The following RASSF9 variants were observed in gnomAD, a reference collection of about 807,000 sequenced individuals.
RASSF9 encodes Ras association domain family member 9.
A neutral mutation model predicts 21.4 loss-of-function variants in RASSF9; 18 were observed. The ratio of observed to expected loss-of-function variants is 0.84; its 90% CI spans 0.58 to 1.25. RASSF9 has a LOEUF of 1.25. Ranked by LOEUF, RASSF9 falls within the 50% of genes most tolerant of loss-of-function variation. RASSF9 has a pLI of 0.00. For missense variants in RASSF9, 480 were observed against 503.2 expected (o/e 0.95, Z 0.44); for synonymous variants, 183 against 179.1 (o/e 1.02, Z -0.18).
rs1880235704 is a variant in RASSF9 at position 85,822,582 on chromosome 12, C to CTTGGGATT, written c.47+13572_47+13573insAATCCCAA. Among the ~76,000 whole-genome samples, 11 of 152,250 alleles carry CTTGGGATT rather than the reference C, an allele frequency of 7.2e-5. No homozygotes were observed. In the South Asian group the frequency reaches 1.7e-3, roughly 23 times the overall value. On this transcript the variant is annotated intron_variant, in intron 1 of 1. Coordinates refer to ENST00000361228, the MANE Select transcript of RASSF9 (RefSeq NM_005447.4). ...AAAGGAGAGATATTATTCTTGGGAA[C>CTTGGGATT]ATTATTGATAAGAGAAAAATACTAA...
chr12:85,823,074 C>T (rs930428109), intron 1 of RASSF9, among the ~76,000 whole-genome samples: 1 of 151,974 alleles, frequency 6.6e-6, no homozygotes, highest in Non-Finnish European at 1.5e-5. Context: ...TTATTGGGCG[C>T]CTGTAGTCCC....
intron 1 of RASSF9, among the ~76,000 whole-genome samples, chr12:85,829,372 T>C (rs1484949110): frequency 6.6e-6 from 1 of 152,134 alleles, no homozygotes; most frequent in Non-Finnish European, 1.5e-5. Flanking sequence ...CAATTTAATG[T>C]GATTATTAGA....
At position 85,827,544 on chromosome 12, in the gene RASSF9, G is replaced by A. The variant is rs190835117; in HGVS notation, c.47+8611C>T. Among the ~76,000 whole-genome samples, 4 of 152,236 alleles carry A rather than the reference G, an allele frequency of 2.6e-5. No homozygotes were observed. The East Asian group carries it at 7.7e-4, about 29-fold the overall frequency. ...TCAATGGATTTCCCTTGCATTTAAAGTACAATCAACATCCCTTATAATCCA... is the reference window on the plus strand; with the variant it reads ...TCAATGGATTTCCCTTGCATTTAAAATACAATCAACATCCCTTATAATCCA... On this transcript the variant is annotated intron_variant, in intron 1 of 1. Coordinates refer to ENST00000361228, the MANE Select transcript of RASSF9 (RefSeq NM_005447.4).
At position 85,836,280 on chromosome 12, in the gene RASSF9, T is replaced by TG. The variant is rs1382130501; in HGVS notation, c.-80dup. On this transcript the variant is annotated 5_prime_UTR_variant, in exon 1 of 2. Transcript: ENST00000361228. Reference sequence around the variant, plus strand: ...GGTGGGGGTGTCTGGATTTCCAGGGTGAAGGGAGGAGGGCTGGAAGCTTTC... The same window carrying TG: ...GGTGGGGGTGTCTGGATTTCCAGGGTGGAAGGGAGGAGGGCTGGAAGCTTTC... 1 of 1,532,018 alleles carries TG rather than the reference T, an allele frequency of 6.5e-7. No homozygotes were observed. Among genetic ancestry groups the TG allele is most frequent in the Non-Finnish European group, 8.8e-7 (1 of 1,132,698 alleles). 94.9% of individuals were successfully genotyped at this position (1,532,018 alleles called of 1,614,324 possible). A position where few individuals can be genotyped will look rare whatever the true frequency, so the allele number is the denominator to read the frequency against.
Position 85,801,390 on chromosome 12 carries a change from A to AACACAC in RASSF9, c.*3306_*3311dup, listed in dbSNP as rs145080613. On this transcript the variant is annotated 3_prime_UTR_variant, in exon 2 of 2. Transcript: ENST00000361228. The stretch of plus-strand genomic sequence containing the variant: ...TACAAGCATCATTTACCATCTATAA[A>AACACAC]ACACACACACACACACACAAAAGCT... 1 of 150,950 alleles carries AACACAC rather than the reference A, an allele frequency of 6.6e-6. No homozygotes were observed. The highest frequency in any genetic ancestry group is 2.4e-5 in the African/African-American group (1 of 41,180). The allele number at this position is 150,950 out of a possible 1,614,324, so 9.4% of individuals were successfully genotyped here.
intron 1 of RASSF9, among the ~76,000 whole-genome samples, chr12:85,818,806 T>C (rs879549095): frequency 6.6e-6 from 1 of 150,852 alleles, no homozygotes; most frequent in Non-Finnish European, 1.5e-5. Context: ...TAAAAACACA[T>C]AAATTAGCCG....
intron 1 of RASSF9, among the ~76,000 whole-genome samples, chr12:85,820,578 G>GA (rs1335741363): frequency 1.3e-5 from 2 of 151,314 alleles, no homozygotes; most frequent in Non-Finnish European, 3.0e-5. Flanking sequence ...CATATAAAAT[G>GA]AAAAATGTCA....
intron 1 of RASSF9, among the ~76,000 whole-genome samples, chr12:85,809,988 G>C (rs1206943947): frequency 5.9e-5 from 9 of 151,356 alleles, no homozygotes; most frequent in Admixed American, 5.3e-4. Flanking sequence ...TCTATTTTCT[G>C]CAGTCAGCTA....
chr12:85,812,233 A>G lies in RASSF9; in HGVS notation c.48-6271T>C, dbSNP rs145951424. On this transcript the variant is annotated intron_variant, in intron 1 of 1. Transcript: ENST00000361228. Reference sequence around the variant, plus strand: ...TACATTTATGAAATTTCTTATGCACATAACTATTCTTAGTTGTATATGTGT... The same window carrying G: ...TACATTTATGAAATTTCTTATGCACGTAACTATTCTTAGTTGTATATGTGT... Among the ~76,000 whole-genome samples, 1,063 of 151,840 alleles carry G rather than the reference A, an allele frequency of 7.0e-3. 9 individuals are homozygous for G. The highest frequency in any genetic ancestry group is 9.6e-3 in the Non-Finnish European group (650 of 67,682).
rs768653762 is a variant in RASSF9, at chr12:85,804,754, T to C, written c.1256A>G (p.His419Arg). ...TDSDTGISSN[H>R]SQDSETTVGD... ...TACTGTTGTTTCGGAGTCCTGACTG[T>C]GGTTAGAACTGATACCAGTGTCCGA... is the stretch of plus-strand genomic sequence containing the variant. The change falls in exon 2 of 2, where the codon CAC becomes CGC. Residue 419 changes from histidine to arginine, a missense_variant. Transcript: ENST00000361228. 2 of 1,611,610 alleles carry C rather than the reference T, an allele frequency of 1.2e-6. No individual in the cohort carries two copies. Among genetic ancestry groups the C allele is most frequent in the South Asian group, 1.1e-5 (1 of 90,872 alleles).
rs1565750855 is a variant in RASSF9, at chr12:85,805,132, CTT to C, written c.876_877del (p.Ser293CysfsTer4). ...ATCTTCATTTATATCAATGCAAACA[CTT>C]TTTACCTCTTTTTCTATTTCAGCAG... is the stretch of plus-strand genomic sequence containing the variant. On this transcript the variant is annotated frameshift_variant, in exon 2 of 2. Transcript: ENST00000361228. LOFTEE classifies it high-confidence loss of function. 1.2e-6 allele frequency: 2 copies of C among 1,613,906 alleles called. No homozygotes were observed. The highest frequency in any genetic ancestry group is 4.5e-5 in the East Asian group (2 of 44,870).
chr12:85,803,951 C>T lies in RASSF9; in HGVS notation c.*751G>A, dbSNP rs1456438430. 1 of 152,222 alleles carries T rather than the reference C, an allele frequency of 6.6e-6. No individual in the cohort carries two copies. Among genetic ancestry groups the T allele is most frequent in the Non-Finnish European group, 1.5e-5 (1 of 68,038 alleles). The allele number at this position is 152,222 out of a possible 1,614,324, so 9.4% of individuals were successfully genotyped here. A position where few individuals can be genotyped will look rare whatever the true frequency, so the allele number is the denominator to read the frequency against. On this transcript the variant is annotated 3_prime_UTR_variant, in exon 2 of 2. Coordinates refer to ENST00000361228, the MANE Select transcript of RASSF9 (RefSeq NM_005447.4). ...TTTCTCTGTAACCCACACTATACCT[C>T]ACTCAGTGAATGAACATGGGTTTGG...
intron 1 of RASSF9, 41 bp from the exon 2 acceptor site, chr12:85,806,003 CT>C: frequency 6.5e-7 from 1 of 1,544,426 alleles, no homozygotes; most frequent in Non-Finnish European, 8.8e-7. Flanking sequence ...CTGTCATTGC[CT>C]GTGTAAACTC....
At chr12:85,810,332 T>A (rs1184255875) in intron 1 of RASSF9, among the ~76,000 whole-genome samples, 4 of 151,964 alleles carry the variant, frequency 2.6e-5, no homozygotes, top group Admixed American at 2.0e-4. Flanking sequence ...AATGTTTCTC[T>A]CTTATGGTGG....
chr12:85,801,141 C>T lies in RASSF9; in HGVS notation c.*3561G>A, dbSNP rs1259878108. 2.6e-5 allele frequency: 4 copies of T among 151,840 alleles called. No individual in the cohort carries two copies. The highest frequency in any genetic ancestry group is 9.7e-5 in the African/African-American group (4 of 41,372). 9.4% of individuals were successfully genotyped at this position (151,840 alleles called of 1,614,324 possible). On this transcript the variant is annotated 3_prime_UTR_variant, in exon 2 of 2. Transcript: ENST00000361228. ...TAAAATATGTTTTTTCTCATAAGCA[C>T]ACAATGAAATAAAAAATTCTATAAT...
intron 1 of RASSF9, among the ~76,000 whole-genome samples, chr12:85,825,588 A>T (rs1057409255): frequency 6.6e-6 from 1 of 152,166 alleles, no homozygotes; most frequent in Non-Finnish European, 1.5e-5. Flanking sequence ...AGACATTATG[A>T]CTGGGAAAAT....
chr12:85,833,229 A>T (rs1237938083), intron 1 of RASSF9, among the ~76,000 whole-genome samples: 1 of 151,872 alleles, frequency 6.6e-6, no homozygotes, highest in Non-Finnish European at 1.5e-5. Context: ...TTTATATAAT[A>T]CCAGCTGATG....
Position 85,834,362 on chromosome 12 carries a change from T to C in RASSF9, c.47+1793A>G, listed in dbSNP as rs539321337. The stretch of plus-strand genomic sequence containing the variant: ...AAATTCAACACTATTAAACTCTCTT[T>C]TTTATTTTTATTTTCACCTTTTCAT... On this transcript the variant is annotated intron_variant, in intron 1 of 1. Coordinates refer to ENST00000361228, the MANE Select transcript of RASSF9 (RefSeq NM_005447.4). 1.7e-3 allele frequency among the ~76,000 whole-genome samples: 259 copies of C among 152,216 alleles called. 3 individuals are homozygous for C. The Middle Eastern group carries it at 0.024, about 14-fold the overall frequency.
intron 1 of RASSF9, among the ~76,000 whole-genome samples, chr12:85,823,846 C>T (rs1034247018): frequency 2.0e-5 from 3 of 152,298 alleles, no homozygotes; most frequent in African/African-American, 7.2e-5. Flanking sequence ...GCAGAAGAAC[C>T]AGTCTTGCTG....
Sources: allele counts gnomAD v4.1 joint callset (sites outside exome capture counted in the v4.1 genomes callset), GRCh38; gene constraint gnomAD v4.1.1; transcripts MANE v1.5; gene names NCBI Gene and HGNC (gene_info 2026-07-23, HGNC 2026-07-21).